SESTD1: variants seen among roughly 807,000 people sequenced by gnomAD.
SESTD1 encodes SEC14 and spectrin domain containing 1.
In SESTD1, 43 loss-of-function variants were observed where a neutral mutation model predicts 101.7. The ratio of observed to expected loss-of-function variants is 0.42; its 90% CI spans 0.33 to 0.55. SESTD1 has a LOEUF of 0.55. SESTD1 is among the 20% of genes least tolerant of loss of function. The pLI is 0.07. For missense variants in SESTD1, 647 were observed against 815.1 expected, an observed-to-expected ratio of 0.79 and a Z score of 2.51; for synonymous variants, 283 against 286.8, an observed-to-expected ratio of 0.99 and a Z score of 0.13.
rs546963269 is a variant in SESTD1, at chr2:179,144,091, A to G, written c.638-288T>C. Reference sequence around the variant, plus strand: ...ACGCACCTTAGAAATACTATACTACATATTAAATATGGCATACATACGGTT... The same window carrying G: ...ACGCACCTTAGAAATACTATACTACGTATTAAATATGGCATACATACGGTT... On this transcript the variant is annotated intron_variant, in intron 8 of 17. Transcript: ENST00000428443. Among the ~76,000 whole-genome samples, 18 of 151,796 alleles carry G rather than the reference A, an allele frequency of 1.2e-4. No homozygotes were observed. In the South Asian group the frequency reaches 3.8e-3, roughly 32 times the overall value.
At chr2:179,131,179 G>A (rs564678790) in intron 10 of SESTD1, among the ~76,000 whole-genome samples, 1 of 148,280 alleles carries the variant, frequency 6.7e-6, no homozygotes, top group Non-Finnish European at 1.5e-5. Context: ...GCCAATACCA[G>A]TAATTGCTAT....
At chr2:179,189,920 C>T (rs2046295771) in intron 2 of SESTD1, among the ~76,000 whole-genome samples, 1 of 151,874 alleles carries the variant, frequency 6.6e-6, no homozygotes. Context: ...TAACAGAAGA[C>T]ATAAAGTAAT....
chr2:179,117,443 G>T, intron 14 of SESTD1, 89 bp downstream of exon 14: 1 of 1,185,996 alleles, frequency 8.4e-7, no homozygotes, highest in Non-Finnish European at 1.2e-6. Context: ...ACTTTTTTAG[G>T]ACCATGAAAA....
At chr2:179,169,119 C>T (rs2045886466) in intron 5 of SESTD1, among the ~76,000 whole-genome samples, 2 of 151,904 alleles carry the variant, frequency 1.3e-5, no homozygotes, top group South Asian at 2.1e-4. Flanking sequence ...TCAATAATTG[C>T]ATTAAATATA....
intron 1 of SESTD1, among the ~76,000 whole-genome samples, chr2:179,196,980 G>T (rs1311733620): frequency 6.6e-6 from 1 of 152,210 alleles, no homozygotes; most frequent in Non-Finnish European, 1.5e-5. Flanking sequence ...TGAGCTGAGA[G>T]AAGAAGGCTT....
chr2:179,121,843 C>T lies in SESTD1; in HGVS notation c.1369G>A (p.Val457Ile), dbSNP rs1352728352. Reference protein sequence around the residue: ...NQASWAYGKDVTIENKENVDH... With the variant: ...NQASWAYGKDITIENKENVDH... ...ACATTTTCTTTATTTTCAATGGTTACATCCTTTCCATAGGCCCAGGATGCC... is the reference window on the plus strand; with the variant it reads ...ACATTTTCTTTATTTTCAATGGTTATATCCTTTCCATAGGCCCAGGATGCC... The change falls in exon 13 of 18, where the codon GTA becomes ATA. Residue 457 changes from valine to isoleucine, a missense_variant. By Grantham distance (29) the Val-to-Ile change is conservative. This residue lies in a region of SESTD1 where 476 missense variants were observed against 562.6 expected (regional missense o/e 0.85). Transcript: ENST00000428443. The T allele has an allele frequency of 6.2e-7, 1 of 1,610,380 alleles. No homozygotes were observed. The highest frequency in any genetic ancestry group is 8.5e-7 in the Non-Finnish European group (1 of 1,178,344).
intron 1 of SESTD1, among the ~76,000 whole-genome samples, chr2:179,210,918 A>T (rs1377144945): frequency 7.5e-6 from 1 of 134,204 alleles, no homozygotes; most frequent in African/African-American, 2.9e-5. Context: ...ACATGATTGT[A>T]GACCAATACA....
intron 9 of SESTD1, among the ~76,000 whole-genome samples, chr2:179,139,578 T>C (rs1329273816): frequency 2.0e-5 from 3 of 152,214 alleles, no homozygotes; most frequent in Non-Finnish European, 4.4e-5. Context: ...AACTGTTCTA[T>C]AGATAACAAC....
At position 179,193,243 on chromosome 2, in the gene SESTD1, G is replaced by C. The variant is rs532445280; in HGVS notation, c.-25-1377C>G. On this transcript the variant is annotated intron_variant, in intron 1 of 17. Transcript: ENST00000428443. ...CAGTATATAATTTTATAGCTTTTGAGTTTACAACTTAAAAAACACAACCAT... is the reference window on the plus strand; with the variant it reads ...CAGTATATAATTTTATAGCTTTTGACTTTACAACTTAAAAAACACAACCAT... 5.9e-5 allele frequency among the ~76,000 whole-genome samples: 9 copies of C among 152,270 alleles called. No homozygotes were observed. In the South Asian group the frequency reaches 1.9e-3, roughly 32 times the overall value.
intron 1 of SESTD1, among the ~76,000 whole-genome samples, chr2:179,228,379 G>A (rs1204878981): frequency 6.6e-6 from 1 of 152,174 alleles, no homozygotes; most frequent in Non-Finnish European, 1.5e-5. Flanking sequence ...ATGTCCATGT[G>A]TGTAATGGAA....
chr2:179,167,169 G>A (rs1575456667), intron 5 of SESTD1, among the ~76,000 whole-genome samples: 2 of 152,100 alleles, frequency 1.3e-5, no homozygotes, highest in African/African-American at 2.4e-5. Context: ...AAGGACAGAC[G>A]AGGAATTTCA....
intron 4 of SESTD1, chr2:179,174,379 G>A (rs1286705307): frequency 2.2e-6 from 1 of 450,664 alleles, no homozygotes; most frequent in South Asian, 1.7e-5. Flanking sequence ...CGCAAGAGGG[G>A]ATTAAATCAT....
In SESTD1 at chr2:179,103,265, C is replaced by T. The variant is rs1223888777; in HGVS notation, c.*6634G>A. On this transcript the variant is annotated 3_prime_UTR_variant, in exon 18 of 18. Coordinates refer to ENST00000428443, the MANE Select transcript of SESTD1 (RefSeq NM_178123.5). ...TGTCATCCTTGACCATGAACAATGC[C>T]ATTGTTATTCCAAACTCACTTCTTC... is the stretch of plus-strand genomic sequence containing the variant. 1.3e-5 allele frequency: 2 copies of T among 152,084 alleles called. No individual in the cohort carries two copies. The highest frequency in any genetic ancestry group is 4.8e-5 in the African/African-American group (2 of 41,414). The allele number at this position is 152,084 out of a possible 1,614,324, so 9.4% of individuals were successfully genotyped here.
At chr2:179,232,509 C>T (rs548164297) in intron 1 of SESTD1, among the ~76,000 whole-genome samples, 1 of 151,806 alleles carries the variant, frequency 6.6e-6, no homozygotes, top group South Asian at 2.1e-4. Context: ...AAGTAAGAAG[C>T]GACAAGGGAG....
chr2:179,148,273 C>G (rs1268671940), intron 7 of SESTD1, among the ~76,000 whole-genome samples: 1 of 152,168 alleles, frequency 6.6e-6, no homozygotes, highest in Non-Finnish European at 1.5e-5. Context: ...CAGGGAACAC[C>G]AGGATTCTTT....
rs1480621137 is a variant in SESTD1, at chr2:179,102,168, G to A, written c.*7731C>T. The A allele has an allele frequency of 1.3e-5, 2 of 152,124 alleles. No homozygotes were observed. Among genetic ancestry groups the A allele is most frequent in the Non-Finnish European group, 2.9e-5 (2 of 68,010 alleles). 9.4% of individuals were successfully genotyped at this position (152,124 alleles called of 1,614,324 possible). On this transcript the variant is annotated 3_prime_UTR_variant, in exon 18 of 18. Coordinates refer to ENST00000428443, the MANE Select transcript of SESTD1 (RefSeq NM_178123.5). Reference sequence around the variant, plus strand: ...GAACCTATTTCTGACAACATGAGACGTAGAGAAAGCACTGAACTTCTGTGC... The same window carrying A: ...GAACCTATTTCTGACAACATGAGACATAGAGAAAGCACTGAACTTCTGTGC...
At chr2:179,199,291 T>G (rs28812195) in intron 1 of SESTD1, among the ~76,000 whole-genome samples, 42,890 of 151,478 alleles carry the variant, frequency 0.28, 6,322 homozygotes, top group South Asian at 0.43. Flanking sequence ...AATAACAGGA[T>G]CTGAAATTGT....
intron 9 of SESTD1, 123 bp from the exon 10 acceptor site, chr2:179,132,549 A>G: frequency 1.8e-6 from 2 of 1,082,656 alleles, no homozygotes; most frequent in Middle Eastern, 3.1e-4. Context: ...TTTACATTCT[A>G]TCACATAGGC....
chr2:179,264,438 G>C (rs936704325), intron 1 of SESTD1, 61 bp downstream of exon 1: 1 of 150,758 alleles, frequency 6.6e-6, no homozygotes, highest in African/African-American at 2.4e-5. Context: ...GCCCAAGCCG[G>C]CCACCCGGCC....
Sources: gnomAD v4.1 joint callset for allele counts (sites outside exome capture counted in the v4.1 genomes callset) on GRCh38, gnomAD v4.1.1 for gene constraint, gnomAD v4.1.1 regional missense constraint, MANE v1.5 for transcripts, NCBI Gene and HGNC (gene_info 2026-07-23, HGNC 2026-07-21) for gene names.